Variants in PREP observed in about 807,000 individuals in gnomAD.
The protein encoded by PREP is dJ355L5.1 (prolyl endopeptidase).
PREP carries 29 observed loss-of-function variants against 87.6 expected under a neutral mutation model. The observed-to-expected ratio is 0.33, with a 90% confidence interval of 0.25 to 0.45. The LOEUF (loss-of-function observed/expected upper bound fraction) is 0.45. Among genes scored for constraint, PREP ranks in the 20% least tolerant of loss-of-function variants. PREP has a pLI of 1.00. For missense variants in PREP, 695 were observed against 886.5 expected, an observed-to-expected ratio of 0.78 and a Z score of 2.74; for synonymous variants, 337 against 328.6, an observed-to-expected ratio of 1.03 and a Z score of -0.28.
At position 105,332,525 on chromosome 6, in the gene PREP, T is replaced by G. The variant is rs372973424; in HGVS notation, c.1015+789A>C. Reference sequence around the variant, plus strand: ...TTTTTTCCTCATTATATACCATATATTTTGCATTTCTAAATGGTCCTATTT... The same window carrying G: ...TTTTTTCCTCATTATATACCATATAGTTTGCATTTCTAAATGGTCCTATTT... On this transcript the variant is annotated intron_variant, in intron 8 of 14. Transcript: ENST00000652536. Among the ~76,000 whole-genome samples the G allele has an allele frequency of 2.6e-5, 4 of 152,246 alleles. No individual in the cohort carries two copies. In the South Asian group the frequency reaches 6.2e-4, roughly 24 times the overall value.
intron 10 of PREP, among the ~76,000 whole-genome samples, chr6:105,293,121 T>C (rs1770334061): frequency 6.6e-6 from 1 of 152,234 alleles, no homozygotes; most frequent in Non-Finnish European, 1.5e-5. Flanking sequence ...GTTATTTTCC[T>C]TTGCATTCAC....
At chr6:105,358,278 C>T (rs1241419277) in intron 6 of PREP, among the ~76,000 whole-genome samples, 2 of 152,036 alleles carry the variant, frequency 1.3e-5, no homozygotes, top group Non-Finnish European at 2.9e-5. Context: ...CTAATCATAA[C>T]AATAAACATC....
chr6:105,344,742 T>C (rs1315010177), intron 7 of PREP, among the ~76,000 whole-genome samples: 1 of 152,156 alleles, frequency 6.6e-6, no homozygotes, highest in South Asian at 2.1e-4. Context: ...GACGAGTTAA[T>C]GGGTGCAGCA....
chr6:105,310,146 G>A (rs769440076), intron 10 of PREP, among the ~76,000 whole-genome samples: 1 of 152,320 alleles, frequency 6.6e-6, no homozygotes, highest in South Asian at 2.1e-4. Context: ...AGAGTGGGAA[G>A]ATGTAAACCA....
rs1463090170 is a variant in PREP, at chr6:105,277,520, A to T, written c.*624T>A. The T allele has an allele frequency of 6.6e-6, 1 of 152,216 alleles. No individual in the cohort carries two copies. Among genetic ancestry groups the T allele is most frequent in the East Asian group, 1.9e-4 (1 of 5,188 alleles). 9.4% of individuals were successfully genotyped at this position (152,216 alleles called of 1,614,324 possible). A position where few individuals can be genotyped will look rare whatever the true frequency, so the allele number is the denominator to read the frequency against. ...TGTTTATGACAGTGAACCCCCTCTGACAGCTTCATCACCTCTAACAAACAA... is the reference window on the plus strand; with the variant it reads ...TGTTTATGACAGTGAACCCCCTCTGTCAGCTTCATCACCTCTAACAAACAA... On this transcript the variant is annotated 3_prime_UTR_variant, in exon 15 of 15. Transcript: ENST00000652536.
Position 105,377,437 on chromosome 6 carries a change from G to C in PREP, c.203C>G (p.Thr68Ser). The change falls in exon 3 of 15, where the codon ACT becomes AGT. Residue 68 changes from threonine (T) to serine (S), a missense_variant. Thr to Ser is a moderately conservative substitution (Grantham distance 58). Around this residue, in one of 5 missense-constraint regions of PREP, gnomAD observed 517 missense variants for 620.3 expected, o/e 0.83. Coordinates refer to ENST00000652536, the MANE Select transcript of PREP (RefSeq NM_002726.5). ...ATACTTGGGATAATCATATAGTTCA[G>C]TCATTCTCTCTTTGTATAAACCTCT... ...PIRGLYKERM[T>S]ELYDYPKYSC... 1.2e-6 allele frequency: 2 copies of C among 1,613,706 alleles called. No individual in the cohort carries two copies.
At chr6:105,394,038 G>A (rs111807718) in intron 2 of PREP, among the ~76,000 whole-genome samples, 2,400 of 151,902 alleles carry the variant, frequency 0.016, 70 homozygotes, top group African/African-American at 0.055. Flanking sequence ...GTGGCTAGTG[G>A]TTATTATATT....
chr6:105,394,639 C>T (rs1171809006), intron 2 of PREP, among the ~76,000 whole-genome samples: 2 of 152,082 alleles, frequency 1.3e-5, no homozygotes, highest in African/African-American at 2.4e-5. Context: ...AATATAAAAT[C>T]GGTAGCAGTA....
intron 10 of PREP, among the ~76,000 whole-genome samples, chr6:105,309,228 A>G (rs1339116220): frequency 2.0e-5 from 3 of 152,064 alleles, no homozygotes; most frequent in Admixed American, 2.0e-4. Flanking sequence ...TAGCCACTTT[A>G]TCCTATGAAA....
At chr6:105,380,351 A>T (rs1772805138) in intron 2 of PREP, among the ~76,000 whole-genome samples, 1 of 152,212 alleles carries the variant, frequency 6.6e-6, no homozygotes, top group African/African-American at 2.4e-5. Context: ...CCAGACGACC[A>T]GACATGAGCT....
chr6:105,297,840 T>C (rs757814172), intron 10 of PREP, among the ~76,000 whole-genome samples: 4 of 152,208 alleles, frequency 2.6e-5, no homozygotes, highest in Non-Finnish European at 4.4e-5. Flanking sequence ...CCCTTTCACC[T>C]TAACAGACTA....
chr6:105,336,079 G>A (rs1489876239), intron 7 of PREP, among the ~76,000 whole-genome samples: 8 of 152,086 alleles, frequency 5.3e-5, no homozygotes, highest in South Asian at 2.1e-4. Context: ...CCAACATGGC[G>A]AAACCCTGTC....
At chr6:105,333,840 C>T (rs533834420) in intron 7 of PREP, among the ~76,000 whole-genome samples, 28 of 152,156 alleles carry the variant, frequency 1.8e-4, no homozygotes, top group Non-Finnish European at 3.2e-4. Flanking sequence ...TCCAAGTCGT[C>T]GTCGTCTCCC....
intron 10 of PREP, among the ~76,000 whole-genome samples, chr6:105,297,828 C>T (rs904026734): frequency 1.3e-5 from 2 of 151,810 alleles, no homozygotes; most frequent in Admixed American, 1.3e-4. Flanking sequence ...GGACCTGGCA[C>T]CCCCTTTCAC....
At position 105,273,429 on chromosome 6, in the gene PREP, C is replaced by T. The variant is rs146873497; in HGVS notation, c.*4715G>A. The stretch of plus-strand genomic sequence containing the variant: ...CCAAGTAGTTAATTACCATCTTCAC[C>T]ACCAACTCCAGGTACCCACTAATCT... On this transcript the variant is annotated 3_prime_UTR_variant, in exon 15 of 15. Coordinates refer to ENST00000652536, the MANE Select transcript of PREP (RefSeq NM_002726.5). 2 of 152,270 alleles carry T rather than the reference C, an allele frequency of 1.3e-5. No homozygotes were observed. The highest frequency in any genetic ancestry group is 3.9e-4 in the East Asian group (2 of 5,178). 9.4% of individuals were successfully genotyped at this position (152,270 alleles called of 1,614,324 possible).
chr6:105,340,074 C>A lies in PREP; in HGVS notation c.824-6569G>T, dbSNP rs141428381. Among the ~76,000 whole-genome samples the A allele has an allele frequency of 4.0e-3, 609 of 151,476 alleles. 8 individuals are homozygous for A. Among genetic ancestry groups the A allele is most frequent in the African/African-American group, 0.014 (580 of 40,972 alleles). On this transcript the variant is annotated intron_variant, in intron 7 of 14. Transcript: ENST00000652536. ...GAGATACTCCTCGAGAAGAGAAACT[C>A]CAAGGCACATAATTATCAGATTCAC...
At position 105,403,072 on chromosome 6, in the gene PREP, G is replaced by T. The variant is rs1418774483; in HGVS notation, c.-181C>A. ...GGACTGGCGGCGCGGCGGCGAGGAC[G>T]TGCAGAAAGCAGGAAGCCGCTGTCT... On this transcript the variant is annotated 5_prime_UTR_variant, in exon 1 of 15. Coordinates refer to ENST00000652536, the MANE Select transcript of PREP (RefSeq NM_002726.5). 2 of 271,914 alleles carry T rather than the reference G, an allele frequency of 7.4e-6. No homozygotes were observed. Among genetic ancestry groups the T allele is most frequent in the Non-Finnish European group, 6.8e-6 (1 of 147,038 alleles). The allele number at this position is 271,914 out of a possible 1,614,324, so 16.8% of individuals were successfully genotyped here.
chr6:105,357,339 C>A (rs1376735850), intron 6 of PREP, among the ~76,000 whole-genome samples: 1 of 152,198 alleles, frequency 6.6e-6, no homozygotes, highest in Admixed American at 6.5e-5. Flanking sequence ...CTGCAAGAAC[C>A]ACACCAAACC....
At chr6:105,368,448 T>G (rs1772451827) in intron 6 of PREP, among the ~76,000 whole-genome samples, 1 of 152,164 alleles carries the variant, frequency 6.6e-6, no homozygotes, top group African/African-American at 2.4e-5. Context: ...TAAAAGACAC[T>G]CATTTTAATG....
Sources: gnomAD v4.1 joint callset for allele counts (sites outside exome capture counted in the v4.1 genomes callset) on GRCh38, gnomAD v4.1.1 for gene constraint, gnomAD v4.1.1 regional missense constraint, MANE v1.5 for transcripts, NCBI Gene and HGNC (gene_info 2026-07-23, HGNC 2026-07-21) for gene names.